The following MYO3B variants were observed in gnomAD, a reference collection of about 807,000 sequenced individuals.
MYO3B encodes myosin-IIIb.
A neutral mutation model predicts 174.6 loss-of-function variants in MYO3B; 156 were observed. The observed-to-expected ratio is 0.89, with a 90% CI of 0.78 to 1.02. The LOEUF (loss-of-function observed/expected upper bound fraction) is 1.02, where lower values mean the gene tolerates loss of function less well. MYO3B is among the 50% of genes least tolerant of loss of function. The probability of loss-of-function intolerance (pLI) is 0.00; values close to 1 mark genes in which losing one functional copy is unlikely to be tolerated. For synonymous variants in MYO3B, 563 were observed against 569.1 expected (o/e 0.99, Z 0.15); for missense variants, 1,632 against 1,639.4 (o/e 1.00, Z 0.08).
chr2:170,483,404 T>TTTTTTTTTTG (rs1685825710), intron 25 of MYO3B, among the ~76,000 whole-genome samples: 2 of 120,198 alleles, frequency 1.7e-5, no homozygotes. Flanking sequence ...TTTTTTTTTT[T>TTTTTTTTTTG]GAGACGGAGT....
At position 170,463,397 on chromosome 2, in the gene MYO3B, G is replaced by A. The variant is rs372213003; in HGVS notation, c.2760G>A (p.Pro920=). 50 of 1,613,972 alleles carry A rather than the reference G, an allele frequency of 3.1e-5. No individual in the cohort carries two copies. In the Middle Eastern group the frequency reaches 8.4e-4, roughly 27 times the overall value. ...KVDTLEVIRH[P]EETTNMKRQT... is the part of the protein sequence containing the mutation. ...ACACTCTGGAGGTGATACGGCATCC[G>A]GAAGAAACCACCAACATGAAGAGGC... The change falls in exon 24 of 35, where the codon CCG becomes CCA. Residue 920 remains proline, a synonymous_variant. Transcript: ENST00000408978.
intron 6 of MYO3B, among the ~76,000 whole-genome samples, chr2:170,219,205 C>T (rs896845025): frequency 6.6e-6 from 1 of 152,230 alleles, no homozygotes; most frequent in Non-Finnish European, 1.5e-5. Flanking sequence ...GTTTCCACCA[C>T]GTCCTTAGAC....
chr2:170,562,527 A>G (rs1430096811), intron 32 of MYO3B, among the ~76,000 whole-genome samples: 1 of 152,202 alleles, frequency 6.6e-6, no homozygotes, highest in Non-Finnish European at 1.5e-5. Context: ...GAAAATCTAG[A>G]GATAATGTAT....
At chr2:170,286,905 T>C (rs1518724) in intron 7 of MYO3B, among the ~76,000 whole-genome samples, 77,579 of 151,896 alleles carry the variant, frequency 0.51, 20,201 homozygotes, top group East Asian at 0.67. Context: ...TGGCCTCTGG[T>C]AACCATTAAT....
At position 170,407,800 on chromosome 2, in the gene MYO3B, A is replaced by T. The variant is rs750208587; in HGVS notation, c.2606A>T (p.Asn869Ile). 3 of 1,614,074 alleles carry T rather than the reference A, an allele frequency of 1.9e-6. No homozygotes were observed. The highest frequency in any genetic ancestry group is 4.5e-5 in the East Asian group (2 of 44,874). ...GTTGTGGTCCTGAGAACGTCAGAAAACAAGCTTCTTCAGCAGCTCTTCTCA... is the reference window on the plus strand; with the variant it reads ...GTTGTGGTCCTGAGAACGTCAGAAATCAAGCTTCTTCAGCAGCTCTTCTCA... ...DVVVVLRTSE[N>I]KLLQQLFSIP... The change falls in exon 22 of 35, where the codon AAC becomes ATC. Residue 869 changes from asparagine to isoleucine, a missense_variant. Physicochemically the swap from Asn to Ile is moderately radical, Grantham distance 149. Coordinates refer to ENST00000408978, the MANE Select transcript of MYO3B (RefSeq NM_138995.5).
chr2:170,610,354 AT>A (rs965858980), intron 32 of MYO3B, among the ~76,000 whole-genome samples: 11 of 151,740 alleles, frequency 7.2e-5, no homozygotes, highest in African/African-American at 2.7e-4. Context: ...AAAAAAAAAA[AT>A]TTTATTTCTA....
In MYO3B at chr2:170,481,974, G is replaced by A. The variant is rs535596186; in HGVS notation, c.3014+15263G>A. Among the ~76,000 whole-genome samples, 3 of 152,226 alleles carry A rather than the reference G, an allele frequency of 2.0e-5. No homozygotes were observed. The South Asian group carries it at 6.2e-4, about 32-fold the overall frequency. ...ACATTACGAATGTTATAACCTTGGT[G>A]ATATGGTTTGGCTGTGTCCTCACCC... On this transcript the variant is annotated intron_variant, in intron 25 of 34. Coordinates refer to ENST00000408978, the MANE Select transcript of MYO3B (RefSeq NM_138995.5).
At chr2:170,443,162 TC>T (rs1442177362) in intron 22 of MYO3B, among the ~76,000 whole-genome samples, 1 of 152,218 alleles carries the variant, frequency 6.6e-6, no homozygotes, top group Non-Finnish European at 1.5e-5. Context: ...ACCTGTTGTT[TC>T]CTGACTTTTT....
intron 7 of MYO3B, among the ~76,000 whole-genome samples, chr2:170,331,312 G>T (rs774700442): frequency 6.6e-6 from 1 of 152,106 alleles, no homozygotes; most frequent in Non-Finnish European, 1.5e-5. Context: ...AAACCATGAG[G>T]TCATATTTTT....
At chr2:170,204,466 A>T (rs1208307208) in intron 3 of MYO3B, among the ~76,000 whole-genome samples, 1 of 152,210 alleles carries the variant, frequency 6.6e-6, no homozygotes, top group Non-Finnish European at 1.5e-5. Context: ...GCCATTCTTT[A>T]ATAATGTGGA....
intron 22 of MYO3B, among the ~76,000 whole-genome samples, 200 bp downstream of exon 22, chr2:170,408,044 A>G (rs2094522427): frequency 6.6e-6 from 1 of 152,252 alleles, no homozygotes; most frequent in Non-Finnish European, 1.5e-5. Context: ...GTGTACACAG[A>G]CACGTGTAGC....
chr2:170,445,095 A>G (rs1321834463), intron 23 of MYO3B, among the ~76,000 whole-genome samples: 1 of 152,228 alleles, frequency 6.6e-6, no homozygotes, highest in African/African-American at 2.4e-5. Flanking sequence ...GAAGTGATCA[A>G]TGCATAACCT....
chr2:170,236,729 C>T (rs922191538), intron 7 of MYO3B, among the ~76,000 whole-genome samples: 16 of 152,270 alleles, frequency 1.1e-4, no homozygotes, highest in African/African-American at 3.9e-4. Flanking sequence ...TCATTGGAAT[C>T]GGGCTGATGT....
intron 7 of MYO3B, among the ~76,000 whole-genome samples, chr2:170,272,130 T>C (rs996546916): frequency 8.6e-5 from 13 of 151,808 alleles, no homozygotes; most frequent in African/African-American, 3.1e-4. Flanking sequence ...ATTCCAATGG[T>C]TCTCAAAGCT....
At chr2:170,298,434 T>G (rs1001005519) in intron 7 of MYO3B, among the ~76,000 whole-genome samples, 1 of 152,092 alleles carries the variant, frequency 6.6e-6, no homozygotes, top group African/African-American at 2.4e-5. Flanking sequence ...CCCAACACTT[T>G]GGGAGGCCGA....
intron 32 of MYO3B, among the ~76,000 whole-genome samples, chr2:170,569,734 T>C (rs1692313541): frequency 6.6e-6 from 1 of 151,708 alleles, no homozygotes; most frequent in South Asian, 2.1e-4. Flanking sequence ...TGGTGGCACA[T>C]GCCTGTAATC....
chr2:170,576,504 C>A (rs1333392183), intron 32 of MYO3B, among the ~76,000 whole-genome samples: 3 of 152,194 alleles, frequency 2.0e-5, no homozygotes, highest in African/African-American at 4.8e-5. Context: ...CCTCTAGCAT[C>A]CCCTGTTGGG....
chr2:170,585,096 C>T (rs1208687527), intron 32 of MYO3B, among the ~76,000 whole-genome samples: 1 of 152,182 alleles, frequency 6.6e-6, no homozygotes, highest in East Asian at 1.9e-4. Context: ...TGTAATTGTT[C>T]TGGGGTGTGG....
chr2:170,644,203 TA>T (rs1157745830), intron 32 of MYO3B, among the ~76,000 whole-genome samples: 1 of 152,234 alleles, frequency 6.6e-6, no homozygotes, highest in Non-Finnish European at 1.5e-5. Context: ...AATCATTTTT[TA>T]ATATGTCTTA....
Sources: allele counts gnomAD v4.1 joint callset (sites outside exome capture counted in the v4.1 genomes callset), GRCh38; gene constraint gnomAD v4.1.1; transcripts MANE v1.5; gene names NCBI Gene and HGNC (gene_info 2026-07-23, HGNC 2026-07-21).